The following GRIA4 variants were observed in gnomAD, a reference collection of about 807,000 sequenced individuals.
The protein encoded by GRIA4 is glutamate ionotropic receptor AMPA type subunit 4.
In GRIA4, 34 loss-of-function variants were observed where a neutral mutation model predicts 104.0. The ratio of observed to expected loss-of-function variants is 0.33; its 90% confidence interval spans 0.25 to 0.44. GRIA4 has a LOEUF of 0.44. Among genes scored for constraint, GRIA4 ranks in the 20% least tolerant of loss-of-function variants. GRIA4 has a pLI of 1.00. For synonymous variants in GRIA4, 386 were observed against 381.9 expected (o/e 1.01, Z -0.13); for missense variants, 750 against 1,096.5 (o/e 0.68, Z 4.46).
intron 3 of GRIA4, among the ~76,000 whole-genome samples, chr11:105,665,329 A>G (rs1172528868): frequency 1.3e-5 from 2 of 152,012 alleles, no homozygotes; most frequent in Admixed American, 1.3e-4. Context: ...ATATACTTTT[A>G]TTCCCATTTT....
intron 3 of GRIA4, among the ~76,000 whole-genome samples, chr11:105,629,968 T>C (rs1163150970): frequency 6.6e-6 from 1 of 152,220 alleles, no homozygotes; most frequent in Non-Finnish European, 1.5e-5. Context: ...TCATCGTCAA[T>C]TGAAACCTGT....
At chr11:105,959,943 A>G (rs538503079) in intron 14 of GRIA4, among the ~76,000 whole-genome samples, 1 of 152,274 alleles carries the variant, frequency 6.6e-6, no homozygotes, top group East Asian at 1.9e-4. Flanking sequence ...GTGCAGGAAG[A>G]TGTCACTCAA....
At chr11:105,799,664 G>A (rs969870452) in intron 4 of GRIA4, among the ~76,000 whole-genome samples, 1 of 152,038 alleles carries the variant, frequency 6.6e-6, no homozygotes, top group African/African-American at 2.4e-5. Context: ...TGCATGAACA[G>A]ATATAGTGGT....
At chr11:105,881,464 CTGTA>C (rs142256154) in intron 5 of GRIA4, among the ~76,000 whole-genome samples, 60 of 152,302 alleles carry the variant, frequency 3.9e-4, no homozygotes, top group African/African-American at 1.3e-3. Context: ...AGACATCAGA[CTGTA>C]TGGCTTTACA....
chr11:105,745,751 A>T (rs1939620227), intron 3 of GRIA4, among the ~76,000 whole-genome samples: 1 of 152,178 alleles, frequency 6.6e-6, no homozygotes, highest in East Asian at 1.9e-4. Flanking sequence ...TTCGCAATCA[A>T]GGCAGTCAGG....
chr11:105,760,455 A>T (rs1940562106), intron 4 of GRIA4, among the ~76,000 whole-genome samples: 2 of 151,884 alleles, frequency 1.3e-5, no homozygotes, highest in South Asian at 4.2e-4. Flanking sequence ...TCTGATAATA[A>T]TTTTTTTCTT....
At chr11:105,716,390 T>G (rs1954090164) in intron 3 of GRIA4, among the ~76,000 whole-genome samples, 1 of 152,198 alleles carries the variant, frequency 6.6e-6, no homozygotes, top group South Asian at 2.1e-4. Flanking sequence ...TTGTTTTATT[T>G]ATAACTGTAT....
At chr11:105,676,454 G>C (rs1952539662) in intron 3 of GRIA4, among the ~76,000 whole-genome samples, 1 of 151,586 alleles carries the variant, frequency 6.6e-6, no homozygotes. Flanking sequence ...TGCAACATTT[G>C]AAGGACTAGG....
intron 3 of GRIA4, among the ~76,000 whole-genome samples, chr11:105,623,894 C>T (rs950331572): frequency 2.0e-5 from 3 of 152,012 alleles, no homozygotes; most frequent in African/African-American, 7.2e-5. Context: ...TCCTCATAAC[C>T]TCTCACAATG....
At chr11:105,752,285 T>A (rs1465596081) in intron 3 of GRIA4, among the ~76,000 whole-genome samples, 1 of 152,154 alleles carries the variant, frequency 6.6e-6, no homozygotes. Context: ...GTTTTGGAAT[T>A]GGTTTGTCTT....
chr11:105,769,333 TC>T, intron 4 of GRIA4, among the ~76,000 whole-genome samples: 1 of 151,984 alleles, frequency 6.6e-6, no homozygotes, highest in Non-Finnish European at 1.5e-5. Flanking sequence ...AGGGGAGGCT[TC>T]AGAAAGGGTA....
intron 14 of GRIA4, among the ~76,000 whole-genome samples, chr11:105,939,558 T>C (rs1948132950): frequency 6.6e-6 from 1 of 152,160 alleles, no homozygotes. Context: ...CCCAGAAAGA[T>C]ATTTTTTTTG....
intron 3 of GRIA4, among the ~76,000 whole-genome samples, chr11:105,620,008 A>G (rs1195038288): frequency 6.6e-6 from 1 of 151,664 alleles, no homozygotes; most frequent in Non-Finnish European, 1.5e-5. Context: ...TCATCCTATA[A>G]TTTTTATTTA....
intron 3 of GRIA4, among the ~76,000 whole-genome samples, chr11:105,731,958 T>C (rs1938621538): frequency 6.6e-6 from 1 of 152,086 alleles, no homozygotes; most frequent in African/African-American, 2.4e-5. Context: ...CAAACCACCA[T>C]GGCGCATGTA....
rs541884482 is a variant in GRIA4 at position 105,912,908 on chromosome 11, T to C, written c.1269+2363T>C. ...CTGAAAACTCCCAACACAGATGGAA[T>C]TGGCTAGACATTTTAATATATGTGA... On this transcript the variant is annotated intron_variant, in intron 10 of 16. Transcript: ENST00000282499. 40 of 979,792 alleles carry C rather than the reference T, an allele frequency of 4.1e-5. No individual in the cohort carries two copies. In the African/African-American group the frequency reaches 6.3e-4, roughly 15 times the overall value. The allele number at this position is 979,792 out of a possible 1,614,324, so 60.7% of individuals were successfully genotyped here.
chr11:105,880,357 G>A (rs995404061), intron 5 of GRIA4, among the ~76,000 whole-genome samples: 6 of 152,198 alleles, frequency 3.9e-5, no homozygotes, highest in Non-Finnish European at 7.3e-5. Context: ...TACTCTACAA[G>A]TGCTTTTCAA....
intron 5 of GRIA4, among the ~76,000 whole-genome samples, chr11:105,887,092 T>C (rs946941880): frequency 6.6e-6 from 1 of 152,136 alleles, no homozygotes; most frequent in African/African-American, 2.4e-5. Flanking sequence ...AGTCTACTCA[T>C]AGATGACTAT....
intron 14 of GRIA4, among the ~76,000 whole-genome samples, chr11:105,958,503 G>T (rs1948647871): frequency 6.6e-6 from 1 of 152,204 alleles, no homozygotes; most frequent in Admixed American, 6.5e-5. Context: ...TGTACTGTTG[G>T]ATTTGGTCTG....
chr11:105,823,572 G>T lies in GRIA4; in HGVS notation c.488-38452G>T, dbSNP rs146152280. On this transcript the variant is annotated intron_variant, in intron 4 of 16. Coordinates refer to ENST00000282499, the MANE Select transcript of GRIA4 (RefSeq NM_000829.4). The stretch of plus-strand genomic sequence containing the variant: ...TGTGGCATTATCCCAAGATATTGTG[G>T]TTACTGCTATCTTATCTGAAACATA... Among the ~76,000 whole-genome samples, 455 of 152,144 alleles carry T rather than the reference G, an allele frequency of 3.0e-3. 1 individual carries two copies. Among genetic ancestry groups the T allele is most frequent in the Non-Finnish European group, 4.4e-3 (296 of 67,994 alleles).
Sources: gnomAD v4.1 joint callset for allele counts (sites outside exome capture counted in the v4.1 genomes callset) on GRCh38, gnomAD v4.1.1 for gene constraint, MANE v1.5 for transcripts, NCBI Gene and HGNC (gene_info 2026-07-23, HGNC 2026-07-21) for gene names.